CNTNAP2: variants seen among roughly 807,000 people sequenced by gnomAD.
The protein encoded by CNTNAP2 is contactin-associated protein-like 2.
A neutral mutation model predicts 155.2 loss-of-function variants in CNTNAP2; 98 were observed. The observed-to-expected ratio is 0.63, with a 90% CI of 0.54 to 0.75. The LOEUF is 0.75. CNTNAP2 is among the 30% of genes least tolerant of loss of function. CNTNAP2 has a pLI of 0.00. For synonymous variants in CNTNAP2, 651 were observed against 631.2 expected, an observed-to-expected ratio of 1.03 and a Z score of -0.47; for missense variants, 1,727 against 1,688.1, an observed-to-expected ratio of 1.02 and a Z score of -0.40.
At chr7:147,709,230 C>T (rs1796366227) in intron 13 of CNTNAP2, among the ~76,000 whole-genome samples, 1 of 152,184 alleles carries the variant, frequency 6.6e-6, no homozygotes, top group African/African-American at 2.4e-5. Context: ...ACTTCTCCAT[C>T]AGGTTATCTT....
chr7:146,725,988 T>C (rs1563205934), intron 1 of CNTNAP2, among the ~76,000 whole-genome samples: 1 of 152,222 alleles, frequency 6.6e-6, no homozygotes, highest in Non-Finnish European at 1.5e-5. Flanking sequence ...AAATTGGCTC[T>C]ATTTGGGCAG....
intron 8 of CNTNAP2, among the ~76,000 whole-genome samples, chr7:147,216,472 A>G (rs1803271744): frequency 6.6e-6 from 1 of 151,890 alleles, no homozygotes; most frequent in Non-Finnish European, 1.5e-5. Context: ...TTCTTTGTCA[A>G]AGATGATTGT....
intron 23 of CNTNAP2, chr7:148,414,971 C>A (rs1441551604): frequency 3.7e-6 from 1 of 270,776 alleles, no homozygotes; most frequent in Non-Finnish European, 7.2e-6. Context: ...CTATACATAG[C>A]TCTCTCGCGC....
intron 8 of CNTNAP2, among the ~76,000 whole-genome samples, chr7:147,251,878 A>T (rs949887495): frequency 6.6e-6 from 1 of 152,196 alleles, no homozygotes; most frequent in Admixed American, 6.5e-5. Flanking sequence ...AAAGATGCAG[A>T]TGTTTTAAAT....
At chr7:147,369,022 C>T (rs1221396884) in intron 9 of CNTNAP2, among the ~76,000 whole-genome samples, 1 of 152,134 alleles carries the variant, frequency 6.6e-6, no homozygotes, top group Non-Finnish European at 1.5e-5. Flanking sequence ...AATTAGGTCA[C>T]AAGTAGTAAC....
intron 13 of CNTNAP2, among the ~76,000 whole-genome samples, chr7:147,746,329 A>T (rs1414639692): frequency 6.6e-6 from 1 of 152,202 alleles, no homozygotes; most frequent in Non-Finnish European, 1.5e-5. Flanking sequence ...AGAATCAAGC[A>T]GCAAAACTCA....
At chr7:146,978,295 A>G (rs1454106880) in intron 3 of CNTNAP2, among the ~76,000 whole-genome samples, 1 of 152,134 alleles carries the variant, frequency 6.6e-6, no homozygotes, top group Non-Finnish European at 1.5e-5. Flanking sequence ...TCAGTGTTTA[A>G]CCAAAGATCA....
intron 11 of CNTNAP2, among the ~76,000 whole-genome samples, chr7:147,556,883 A>C (rs1487530624): frequency 6.6e-6 from 1 of 152,190 alleles, no homozygotes; most frequent in East Asian, 1.9e-4. Context: ...AACTCATACA[A>C]TAGTACTTCA....
At chr7:148,222,495 T>TATGAATGGATCATTCCGTGAATCG (rs1795765222) in intron 19 of CNTNAP2, among the ~76,000 whole-genome samples, 1 of 78,320 alleles carries the variant, frequency 1.3e-5, no homozygotes, top group Non-Finnish European at 2.9e-5. Flanking sequence ...TCCATGAATC[T>TATGAATGGATCATTCCGTGAATCG]ATGAATGGAT....
chr7:146,701,052 A>AAGG (rs35650937), intron 1 of CNTNAP2, among the ~76,000 whole-genome samples: 119,020 of 151,790 alleles, frequency 0.78, 47,874 homozygotes, highest in African/African-American at 0.94. Flanking sequence ...CTCTGAAAAA[A>AAGG]AAAAGTAGAT....
intron 8 of CNTNAP2, among the ~76,000 whole-genome samples, chr7:147,293,175 A>G (rs999013328): frequency 2.0e-5 from 3 of 152,188 alleles, no homozygotes. Flanking sequence ...TTCCAAAATA[A>G]CCACACATTC....
At chr7:148,184,446 T>A (rs1210579796) in intron 18 of CNTNAP2, among the ~76,000 whole-genome samples, 1 of 152,234 alleles carries the variant, frequency 6.6e-6, no homozygotes, top group African/African-American at 2.4e-5. Flanking sequence ...CTAGTACAAA[T>A]GACTTATGAT....
chr7:146,322,634 C>CTTTTTTTTTTTTTTTTTTTTTTTTTTTT (rs56287346), intron 1 of CNTNAP2, among the ~76,000 whole-genome samples: 5 of 64,962 alleles, frequency 7.7e-5, no homozygotes, highest in African/African-American at 1.1e-4. Context: ...TGTTCATTCT[C>CTTTTTTTTTTTTTTTTTTTTTTTTTTTT]TTTTTTTTTT....
chr7:146,912,217 A>G (rs1346430115), intron 3 of CNTNAP2, among the ~76,000 whole-genome samples: 1 of 150,368 alleles, frequency 6.7e-6, no homozygotes, highest in East Asian at 1.9e-4. Flanking sequence ...AAAATAGACT[A>G]TTAGGATGCA....
intron 13 of CNTNAP2, among the ~76,000 whole-genome samples, chr7:147,780,756 C>G (rs1451051727): frequency 6.6e-6 from 1 of 152,118 alleles, no homozygotes; most frequent in Non-Finnish European, 1.5e-5. Context: ...GTTTCTTAGT[C>G]TAACACAAGG....
intron 13 of CNTNAP2, among the ~76,000 whole-genome samples, chr7:147,777,041 A>C (rs752882992): frequency 3.3e-5 from 5 of 152,086 alleles, no homozygotes; most frequent in African/African-American, 7.2e-5. Flanking sequence ...TAAAATTTTT[A>C]GGTTAAGAAT....
chr7:147,032,146 TATC>T (rs1417837991), intron 3 of CNTNAP2, among the ~76,000 whole-genome samples: 1 of 152,230 alleles, frequency 6.6e-6, no homozygotes, highest in Non-Finnish European at 1.5e-5. Flanking sequence ...TAAAAATTAT[TATC>T]ATTCTTTTTA....
intron 1 of CNTNAP2, among the ~76,000 whole-genome samples, chr7:146,643,420 C>T (rs1264818028): frequency 6.6e-6 from 1 of 152,072 alleles, no homozygotes; most frequent in Non-Finnish European, 1.5e-5. Flanking sequence ...ATAGGGAATC[C>T]TTTCCCCATT....
chr7:148,281,151 T>C (rs931711650), intron 21 of CNTNAP2, among the ~76,000 whole-genome samples: 2 of 152,160 alleles, frequency 1.3e-5, no homozygotes, highest in African/African-American at 2.4e-5. Context: ...TTAGGAAATA[T>C]GTGGGAATTA....
Sources: allele counts gnomAD v4.1 joint callset (sites outside exome capture counted in the v4.1 genomes callset), GRCh38; gene constraint gnomAD v4.1.1; transcripts MANE v1.5; gene names NCBI Gene and HGNC (gene_info 2026-07-23, HGNC 2026-07-21).